Variants in PPWD1 observed in about 807,000 individuals in gnomAD.
PPWD1 encodes the protein peptidylprolyl isomerase domain and WD repeat containing 1, also known as peptidylprolyl isomerase domain and WD repeat-containing protein 1.
In PPWD1, 43 loss-of-function variants were observed where a neutral mutation model predicts 68.8. The observed-to-expected ratio is 0.62, with a 90% CI of 0.49 to 0.81. The LOEUF (loss-of-function observed/expected upper bound fraction) is 0.81. Among genes scored for constraint, PPWD1 ranks in the 30% least tolerant of loss-of-function variants. PPWD1 has a pLI of 0.00. For synonymous variants in PPWD1, 232 were observed against 258.7 expected, an observed-to-expected ratio of 0.90 and a Z score of 0.99; for missense variants, 672 against 804.8, an observed-to-expected ratio of 0.83 and a Z score of 2.00.
Position 65,563,810 on chromosome 5 carries a change from A to G in PPWD1, c.196+304A>G, listed in dbSNP as rs952670931. ...CTCATTTACTCCCCACAGCAGCCAC[A>G]TGAAGTTGGAATTTCGAACTCTTAT... On this transcript the variant is annotated intron_variant, in intron 1 of 10. Coordinates refer to ENST00000261308, the MANE Select transcript of PPWD1 (RefSeq NM_015342.4). 3.3e-6 allele frequency: 5 copies of G among 1,507,432 alleles called. No individual in the cohort carries two copies. In the African/African-American group the frequency reaches 6.9e-5, roughly 21 times the overall value. The allele number at this position is 1,507,432 out of a possible 1,614,324, so 93.4% of individuals were successfully genotyped here. A position where few individuals can be genotyped will look rare whatever the true frequency, so the allele number is the denominator to read the frequency against.
chr5:65,572,191 G>T lies in PPWD1; in HGVS notation c.874G>T (p.Gly292Trp). 6.2e-7 allele frequency: 1 copy of T among 1,613,650 alleles called. No homozygotes were observed. Among genetic ancestry groups the T allele is most frequent in the Non-Finnish European group, 8.5e-7 (1 of 1,179,598 alleles). The change falls in exon 5 of 11, where the codon GGG becomes TGG. Residue 292 changes from glycine (G) to tryptophan (W), a missense_variant. Gly to Trp is a radical substitution (Grantham distance 184). This residue lies in a region of PPWD1 where 484 missense variants were observed against 646.2 expected (regional missense o/e 0.75). Coordinates refer to ENST00000261308, the MANE Select transcript of PPWD1 (RefSeq NM_015342.4). The part of the protein sequence containing the change: ...YPTSVCFSPD[G>W]KKIATIGSDR... ...AACCAGCGTATGTTTTTCACCAGAT[G>T]GGAAGAAAATAGCTACTATTGGTTC...
rs1198781608 is a variant in PPWD1 at position 65,585,116 on chromosome 5, GTCATA to G, written c.1614+23_1614+27del. 10 of 1,577,054 alleles carry G rather than the reference GTCATA, an allele frequency of 6.3e-6. No homozygotes were observed. In the Admixed American group the frequency reaches 6.7e-5, roughly 11 times the overall value. On this transcript the variant is annotated intron_variant, in intron 9 of 10. Coordinates refer to ENST00000261308, the MANE Select transcript of PPWD1 (RefSeq NM_015342.4). ...TTAAGGTAAGTTACATAAATTTCAT[GTCATA>G]TAAGAAATACTGTATTATTACATAG...
intron 7 of PPWD1, among the ~76,000 whole-genome samples, chr5:65,581,446 CATG>C (rs1753590939): frequency 6.6e-6 from 1 of 152,192 alleles, no homozygotes. Flanking sequence ...GCTAACCAGG[CATG>C]GTGGTGTGCA....
intron 5 of PPWD1, among the ~76,000 whole-genome samples, chr5:65,576,631 T>C (rs1753297361): frequency 6.6e-6 from 1 of 152,172 alleles, no homozygotes; most frequent in Non-Finnish European, 1.5e-5. Context: ...TGCCTTGGCC[T>C]CCCAAAATGC....
In PPWD1 at chr5:65,586,093, TACG is replaced by T; in HGVS notation, c.1712_1714del (p.Arg571del). The T allele has an allele frequency of 6.2e-7, 1 of 1,613,666 alleles. No homozygotes were observed. The highest frequency in any genetic ancestry group is 8.5e-7 in the Non-Finnish European group (1 of 1,179,664). On this transcript the variant is annotated inframe_deletion, in exon 10 of 11. Coordinates refer to ENST00000261308, the MANE Select transcript of PPWD1 (RefSeq NM_015342.4). ...TTTGAAGATGAATTTCATTCAACAT[TACG>T]ACATGACAGGCCATACACACTCAGC...
In PPWD1 at chr5:65,569,637, A is replaced by AT; in HGVS notation, c.309dup (p.Ile104TyrfsTer7). ...TTAACATTTCATATATGCAGAACAGATTTTATTATTACTGCCAGTCATGAT... is the reference window on the plus strand; with the variant it reads ...TTAACATTTCATATATGCAGAACAGATTTTTATTATTACTGCCAGTCATGAT... On this transcript the variant is annotated frameshift_variant, in exon 3 of 11. Transcript: ENST00000261308. LOFTEE classifies it high-confidence loss of function. The AT allele has an allele frequency of 6.3e-7, 1 of 1,577,574 alleles. No homozygotes were observed. Among genetic ancestry groups the AT allele is most frequent in the South Asian group, 1.1e-5 (1 of 88,858 alleles).
At chr5:65,568,928 G>A (rs1411671148) in intron 2 of PPWD1, 1 of 455,682 alleles carries the variant, frequency 2.2e-6, no homozygotes, top group East Asian at 7.0e-5. Flanking sequence ...ACAATGGAAG[G>A]TAATACAGAG....
At chr5:65,583,442 G>A (rs62369040) in intron 8 of PPWD1, among the ~76,000 whole-genome samples, 40,229 of 152,062 alleles carry the variant, frequency 0.26, 5,929 homozygotes, top group South Asian at 0.35. Flanking sequence ...AGGACAAAAT[G>A]TATTGGCTAT....
intron 7 of PPWD1, among the ~76,000 whole-genome samples, chr5:65,580,574 C>T (rs547655054): frequency 5.9e-5 from 9 of 152,262 alleles, no homozygotes; most frequent in Admixed American, 4.6e-4. Context: ...AGTGCAGTGA[C>T]GTGACTTCAG....
intron 4 of PPWD1, among the ~76,000 whole-genome samples, chr5:65,570,985 A>G (rs946744417): frequency 6.6e-6 from 1 of 152,142 alleles, no homozygotes; most frequent in African/African-American, 2.4e-5. Flanking sequence ...ATGAGCCACT[A>G]AAGGAAATAA....
intron 5 of PPWD1, among the ~76,000 whole-genome samples, chr5:65,576,658 A>T (rs921571204): frequency 2.0e-5 from 3 of 152,168 alleles, no homozygotes; most frequent in African/African-American, 7.2e-5. Flanking sequence ...TAGAGGCATA[A>T]GCCACCATGC....
Position 65,577,017 on chromosome 5 carries a change from G to A in PPWD1, c.1108G>A (p.Val370Met), listed in dbSNP as rs1467856582. 1.1e-5 allele frequency: 18 copies of A among 1,613,964 alleles called. No homozygotes were observed. The highest frequency in any genetic ancestry group is 1.4e-5 in the Non-Finnish European group (16 of 1,179,986). Residue 370 changes from valine (V) to methionine (M), a missense_variant, in exon 6 of 11, where the codon GTG (valine) becomes ATG (methionine). Val to Met is a conservative substitution (Grantham distance 21, BLOSUM62 1). Coordinates refer to ENST00000261308, the MANE Select transcript of PPWD1 (RefSeq NM_015342.4). ...AGTTTTTGATGAAACTGGACACTTC[G>A]TGCTGTATGGAACAATGCTGGGCAT... ...NIVFDETGHFVLYGTMLGIKV... is the reference protein window; with the variant it reads ...NIVFDETGHFMLYGTMLGIKV...
At chr5:65,571,175 T>G (rs1173441813) in intron 4 of PPWD1, among the ~76,000 whole-genome samples, 1 of 152,104 alleles carries the variant, frequency 6.6e-6, no homozygotes, top group Non-Finnish European at 1.5e-5. Flanking sequence ...GTCTGGAAGG[T>G]TTTGAACATC....
At chr5:65,569,124 A>G in intron 2 of PPWD1, 1 of 408,292 alleles carries the variant, frequency 2.4e-6, no homozygotes, top group South Asian at 1.8e-5. Flanking sequence ...TCCATAAATG[A>G]TTTCTATTTT....
At chr5:65,576,855 G>C in intron 5 of PPWD1, 24 bp from the exon 6 acceptor site, 1 of 1,608,484 alleles carries the variant, frequency 6.2e-7, no homozygotes, top group South Asian at 1.1e-5. Flanking sequence ...TAGAGTTTTT[G>C]TTACTAAATG....
chr5:65,579,626 A>G lies in PPWD1; in HGVS notation c.1350+13A>G, dbSNP rs1181992781. On this transcript the variant is annotated intron_variant, in intron 7 of 10. Transcript: ENST00000261308. ...TAGATTTTATATGGTATGTGTAAGTACTAGGAGATTAGACGGTAATGTTCC... is the reference window on the plus strand; with the variant it reads ...TAGATTTTATATGGTATGTGTAAGTGCTAGGAGATTAGACGGTAATGTTCC... 3 of 1,477,106 alleles carry G rather than the reference A, an allele frequency of 2.0e-6. No homozygotes were observed. The Middle Eastern group carries it at 5.4e-4, about 267-fold the overall frequency. The allele number at this position is 1,477,106 out of a possible 1,614,324, so 91.5% of individuals were successfully genotyped here. A position where few individuals can be genotyped will look rare whatever the true frequency, so the allele number is the denominator to read the frequency against.
At chr5:65,575,306 G>A (rs154948) in intron 5 of PPWD1, among the ~76,000 whole-genome samples, 46,226 of 152,094 alleles carry the variant, frequency 0.3, 7,365 homozygotes, top group African/African-American at 0.38. Flanking sequence ...AAAATGTGTA[G>A]TCCAGCATCC....
intron 6 of PPWD1, among the ~76,000 whole-genome samples, chr5:65,578,611 T>C (rs922591422): frequency 6.6e-6 from 1 of 151,872 alleles, no homozygotes; most frequent in Non-Finnish European, 1.5e-5. Context: ...ATATGCTATT[T>C]ACCATTTGTA....
At chr5:65,584,019 AGTTTAAAAGACTGTAAAATTAACAT>A (rs1753712903) in intron 8 of PPWD1, among the ~76,000 whole-genome samples, 1 of 152,202 alleles carries the variant, frequency 6.6e-6, no homozygotes, top group Non-Finnish European at 1.5e-5. Flanking sequence ...TTTTCTGGAC[AGTTTAAAAGACTGTAAAATTAACAT>A]ACAATGTCAA....
Sources: gnomAD v4.1 joint callset for allele counts (sites outside exome capture counted in the v4.1 genomes callset) on GRCh38, gnomAD v4.1.1 for gene constraint, gnomAD v4.1.1 regional missense constraint, MANE v1.5 for transcripts, NCBI Gene and HGNC (gene_info 2026-07-23, HGNC 2026-07-21) for gene names.